The following FAM20A variants were observed in gnomAD, a reference collection of about 807,000 sequenced individuals.
The protein encoded by FAM20A is pseudokinase FAM20A.
Under a neutral mutation model 52.0 loss-of-function variants are expected in FAM20A, and 42 were observed. The observed-to-expected ratio is 0.81, with a 90% CI of 0.63 to 1.04. FAM20A has a LOEUF of 1.04. Ranked by LOEUF, FAM20A falls within the 50% of genes least tolerant of loss-of-function variation. FAM20A has a pLI of 0.00. For missense variants in FAM20A, 742 were observed against 712.7 expected (o/e 1.04, Z -0.47); for synonymous variants, 304 against 298.9 (o/e 1.02, Z -0.18).
intron 1 of FAM20A, among the ~76,000 whole-genome samples, chr17:68,577,453 C>A (rs2087806154): frequency 6.6e-6 from 1 of 152,204 alleles, no homozygotes; most frequent in Admixed American, 6.5e-5. Flanking sequence ...GCGATTTTAC[C>A]CCTCAGGGGA....
intron 7 of FAM20A, 89 bp from the exon 8 acceptor site, chr17:68,541,047 C>T: frequency 1.9e-6 from 3 of 1,539,322 alleles, no homozygotes; most frequent in Non-Finnish European, 2.6e-6. Context: ...CCCCCCAATC[C>T]CTGCCTCCCT....
intron 3 of FAM20A, among the ~76,000 whole-genome samples, chr17:68,553,606 T>G (rs1449100530): frequency 6.6e-6 from 1 of 152,114 alleles, no homozygotes; most frequent in Non-Finnish European, 1.5e-5. Flanking sequence ...ATTAATCACT[T>G]ATCCTAGTGA....
intron 4 of FAM20A, among the ~76,000 whole-genome samples, chr17:68,547,891 C>G (rs1568731899): frequency 2.0e-5 from 3 of 152,034 alleles, no homozygotes; most frequent in Admixed American, 2.0e-4. Flanking sequence ...GGCTTATTGG[C>G]TTTCAACGTG....
chr17:68,544,964 A>T (rs2086480698), intron 4 of FAM20A, among the ~76,000 whole-genome samples: 2 of 152,256 alleles, frequency 1.3e-5, no homozygotes, highest in South Asian at 4.1e-4. Context: ...AGAAGCACTA[A>T]TGCACGTCTC....
At chr17:68,546,540 G>T (rs1005724691) in intron 4 of FAM20A, among the ~76,000 whole-genome samples, 4 of 151,996 alleles carry the variant, frequency 2.6e-5, no homozygotes, top group Non-Finnish European at 4.4e-5. Context: ...TTCTTAAATT[G>T]TAAGACTTGG....
At chr17:68,591,093 C>CTGTTTTGTTTTGTTT (rs71144608) in intron 1 of FAM20A, among the ~76,000 whole-genome samples, 2,472 of 149,918 alleles carry the variant, frequency 0.016, 72 homozygotes, top group African/African-American at 0.053. Flanking sequence ...TCCAAGGACT[C>CTGTTTTGTTTTGTTT]TGTTTTGTTT....
At chr17:68,571,015 C>T (rs779017334) in intron 1 of FAM20A, among the ~76,000 whole-genome samples, 3 of 152,234 alleles carry the variant, frequency 2.0e-5, no homozygotes, top group East Asian at 1.9e-4. Context: ...TGATGGGGTC[C>T]GCCCAGTCCC....
intron 1 of FAM20A, among the ~76,000 whole-genome samples, chr17:68,564,429 C>T (rs925075093): frequency 2.0e-5 from 3 of 152,214 alleles, no homozygotes; most frequent in Non-Finnish European, 4.4e-5. Context: ...CACTGTTCTA[C>T]TGGCTAACCA....
intron 1 of FAM20A, among the ~76,000 whole-genome samples, chr17:68,599,716 G>A (rs2088556792): frequency 6.6e-6 from 1 of 152,166 alleles, no homozygotes; most frequent in Non-Finnish European, 1.5e-5. Flanking sequence ...ACCCCCTTGT[G>A]ATCTCTGAAA....
At chr17:68,543,605 C>CA in intron 5 of FAM20A, 24 bp downstream of exon 5, 1 of 1,607,910 alleles carries the variant, frequency 6.2e-7, no homozygotes, top group Non-Finnish European at 8.5e-7. Context: ...TAGGCAATGC[C>CA]ATCTCCATGG....
At chr17:68,538,885 G>A (rs1325093503) in intron 10 of FAM20A, among the ~76,000 whole-genome samples, 1 of 152,192 alleles carries the variant, frequency 6.6e-6, no homozygotes, top group Non-Finnish European at 1.5e-5. Flanking sequence ...GTACAGTCAT[G>A]AATCGCTTAG....
chr17:68,575,272 C>A (rs2087694922), intron 1 of FAM20A: 1 of 150,138 alleles, frequency 6.7e-6, no homozygotes, highest in African/African-American at 2.5e-5. Flanking sequence ...GCAGGCCAGG[C>A]ACAGTGGCTC....
intron 1 of FAM20A, among the ~76,000 whole-genome samples, chr17:68,580,481 C>T: frequency 6.6e-6 from 1 of 152,220 alleles, no homozygotes; most frequent in East Asian, 1.9e-4. Context: ...GTTTCCACTC[C>T]AGCTAACTGT....
intron 1 of FAM20A, among the ~76,000 whole-genome samples, chr17:68,578,576 C>T (rs1250126019): frequency 1.3e-5 from 2 of 152,016 alleles, no homozygotes; most frequent in Non-Finnish European, 2.9e-5. Context: ...TTTACCCACC[C>T]CTGTTCTCAG....
chr17:68,563,546 T>A (rs1404572707), intron 1 of FAM20A, among the ~76,000 whole-genome samples: 1 of 151,872 alleles, frequency 6.6e-6, no homozygotes, highest in African/African-American at 2.4e-5. Context: ...ACTCTGAAAT[T>A]TGTTCCCCAT....
chr17:68,556,672 CTG>C (rs1419234606), intron 1 of FAM20A, among the ~76,000 whole-genome samples: 2 of 151,984 alleles, frequency 1.3e-5, no homozygotes, highest in African/African-American at 2.4e-5. Context: ...ACGGATGTAT[CTG>C]GGGATGAGAG....
At chr17:68,592,706 T>TG (rs1708302440) in intron 1 of FAM20A, among the ~76,000 whole-genome samples, 1 of 152,260 alleles carries the variant, frequency 6.6e-6, no homozygotes, top group South Asian at 2.1e-4. Flanking sequence ...TCAGTCCATG[T>TG]ACCCTGTGCC....
rs114621125 is a variant in FAM20A at position 68,591,403 on chromosome 17, G to T, written c.404+8860C>A. 3.5e-3 allele frequency among the ~76,000 whole-genome samples: 535 copies of T among 152,280 alleles called. 2 individuals carry two copies. The highest frequency in any genetic ancestry group is 0.011 in the African/African-American group (447 of 41,552). On this transcript the variant is annotated intron_variant, in intron 1 of 10. Transcript: ENST00000592554. ...CGTGAGCCACCGCACCCGGCCCCAAGGACTCTTTTTAATGCTGTGAGGGCA... is the reference window on the plus strand; with the variant it reads ...CGTGAGCCACCGCACCCGGCCCCAATGACTCTTTTTAATGCTGTGAGGGCA...
At position 68,542,050 on chromosome 17, in the gene FAM20A, G is replaced by C; in HGVS notation, c.1044C>G (p.Asn348Lys). The change falls in exon 7 of 11, where the codon AAC (asparagine) becomes AAG (lysine). Residue 348 changes from asparagine to lysine, a missense_variant. Physicochemically the swap from Asn to Lys is moderately conservative, Grantham distance 94. Transcript: ENST00000592554. ...GSLSAFLPSL[N>K]LAPRLSVPNP... ...TGGGCACAGACAGCCTGGGGGCCAG[G>C]TTGAGGGACGGCAGGAAGGCAGAGA... The C allele has an allele frequency of 1.9e-6, 3 of 1,614,194 alleles. No individual in the cohort carries two copies. Among genetic ancestry groups the C allele is most frequent in the Non-Finnish European group, 1.7e-6 (2 of 1,180,028 alleles).
Sources: allele counts gnomAD v4.1 joint callset (sites outside exome capture counted in the v4.1 genomes callset), GRCh38; gene constraint gnomAD v4.1.1; transcripts MANE v1.5; gene names NCBI Gene and HGNC (gene_info 2026-07-23, HGNC 2026-07-21).